SNAP47: variants seen among roughly 807,000 people sequenced by gnomAD.
SNAP47 encodes synaptosomal-associated protein 47.
A neutral mutation model predicts 31.4 loss-of-function variants in SNAP47; 20 were observed. The observed-to-expected ratio is 0.64, with a 90% CI of 0.45 to 0.93. The LOEUF is 0.93. Ranked by LOEUF, SNAP47 falls within the 40% of genes least tolerant of loss-of-function variation. The pLI, the probability that SNAP47 is intolerant of heterozygous loss-of-function variation, is 0.00. For missense variants in SNAP47, 492 were observed against 528.5 expected, an observed-to-expected ratio of 0.93 and a Z score of 0.68; for synonymous variants, 194 against 213.4, an observed-to-expected ratio of 0.91 and a Z score of 0.79.
At chr1:227,732,848 C>A (rs1008268246), upstream of SNAP47, 41 of 1,610,696 alleles carry the variant, frequency 2.5e-5, no homozygotes, top group Admixed American at 1.3e-4. Flanking sequence ...AAGCCTCCCC[C>A]AGGAGGGTAG....
At chr1:227,732,482 G>C (rs1386406295), upstream of SNAP47, 2 of 1,613,342 alleles carry the variant, frequency 1.2e-6, no homozygotes, top group Admixed American at 1.7e-5. Context: ...CCACTCTCTG[G>C]AAGTCGGGGT....
intron 4 of SNAP47, chr1:227,776,929 T>G: frequency 3.0e-6 from 3 of 985,424 alleles, no homozygotes; most frequent in Non-Finnish European, 3.6e-6. Context: ...CCAGCCTTTA[T>G]TTTGTCTGTG....
In SNAP47 at chr1:227,759,450, C is replaced by T. The variant is rs773035560; in HGVS notation, c.953C>T (p.Ser318Phe). Reference sequence around the variant, plus strand: ...GTGCTCAGAAGCGCAAGAACCTCTTCCCCCGCAGAGAAGAGCTGCTCAGTC... The same window carrying T: ...GTGCTCAGAAGCGCAAGAACCTCTTTCCCCGCAGAGAAGAGCTGCTCAGTC... ...ALVLRSARTS[S>F]PAEKSCSVWH... Residue 318 changes from serine (S) to phenylalanine (F), a missense_variant, in exon 3 of 5, where the codon TCC becomes TTC. Transcript: ENST00000617596. 1 of 1,614,162 alleles carries T rather than the reference C, an allele frequency of 6.2e-7. No individual in the cohort carries two copies. The highest frequency in any genetic ancestry group is 1.1e-5 in the South Asian group (1 of 91,090).
At chr1:227,751,755 T>TGTTG (rs1662376613) in intron 2 of SNAP47, among the ~76,000 whole-genome samples, 1 of 58,580 alleles carries the variant, frequency 1.7e-5, no homozygotes, top group Admixed American at 1.9e-4. Flanking sequence ...TTTTTTTTTT[T>TGTTG]TTTTTTTTTT....
intron 3 of SNAP47, among the ~76,000 whole-genome samples, chr1:227,761,192 A>G (rs1663035975): frequency 6.6e-6 from 1 of 152,188 alleles, no homozygotes; most frequent in South Asian, 2.1e-4. Flanking sequence ...CGGTTTCTCT[A>G]ATTTTTCTCT....
In SNAP47 at chr1:227,741,329, G is replaced by A. The variant is rs74140375; in HGVS notation, c.-46+5830G>A. The stretch of plus-strand genomic sequence containing the variant: ...CATGAGGAGGCTATGGCCAAGGAGA[G>A]TGGACGCAGGCACTCATGGAAGTGG... On this transcript the variant is annotated intron_variant, in intron 1 of 4. Transcript: ENST00000617596. The surrounding 1 kb of genome is among the most constrained non-coding windows in gnomAD (Gnocchi z 4.2). Among the ~76,000 whole-genome samples the A allele has an allele frequency of 6.6e-6, 1 of 152,130 alleles. No homozygotes were observed. The highest frequency in any genetic ancestry group is 6.5e-5 in the Admixed American group (1 of 15,282).
chr1:227,761,388 G>A (rs908168615), intron 3 of SNAP47, among the ~76,000 whole-genome samples: 1 of 152,232 alleles, frequency 6.6e-6, no homozygotes. Flanking sequence ...GCACGTAGTT[G>A]AATCACAGAA....
At chr1:227,754,320 G>A (rs764541684) in intron 2 of SNAP47, among the ~76,000 whole-genome samples, 2 of 152,214 alleles carry the variant, frequency 1.3e-5, no homozygotes, top group Non-Finnish European at 2.9e-5. Flanking sequence ...GGCCACCTGT[G>A]TGTCTGCCTG....
At chr1:227,735,354 G>A (rs544220608), upstream of SNAP47, 64 of 1,594,416 alleles carry the variant, frequency 4.0e-5, no homozygotes, top group Admixed American at 7.2e-4. Context: ...GGAACCAGAA[G>A]ACGCAGGGCG....
At chr1:227,748,679 C>T (rs975572133) in intron 2 of SNAP47, among the ~76,000 whole-genome samples, 3 of 152,186 alleles carry the variant, frequency 2.0e-5, no homozygotes, top group African/African-American at 7.2e-5. Flanking sequence ...AGTGAGGTGT[C>T]TCCTGTCAGC....
intron 3 of SNAP47, among the ~76,000 whole-genome samples, chr1:227,761,392 C>G (rs1485763451): frequency 6.6e-6 from 1 of 152,218 alleles, no homozygotes; most frequent in African/African-American, 2.4e-5. Flanking sequence ...GTAGTTGAAT[C>G]ACAGAAAACC....
At chr1:227,728,259 G>A (rs1660437715), upstream of SNAP47, among the ~76,000 whole-genome samples, 1 of 152,166 alleles carries the variant, frequency 6.6e-6, no homozygotes, top group Admixed American at 6.5e-5. Flanking sequence ...CTGGACCCTG[G>A]GCGTCCCGCT....
At chr1:227,775,918 C>G (rs535229261) in intron 4 of SNAP47, 1 of 1,302,164 alleles carries the variant, frequency 7.7e-7, no homozygotes, top group Non-Finnish European at 1.0e-6. Context: ...CCAGAACAGC[C>G]TTTGCTCAGG....
rs143441035 is a variant in SNAP47, at chr1:227,740,202, A to G, written c.-46+4703A>G. ...AGAGACCTGCGGAGTGGAGCCACCA[A>G]TGAGACTCCCTGGTGTGGAAAGGCT... On this transcript the variant is annotated intron_variant, in intron 1 of 4. Coordinates refer to ENST00000617596, the MANE Select transcript of SNAP47 (RefSeq NM_053052.4). Among the ~76,000 whole-genome samples the G allele has an allele frequency of 2.6e-4, 39 of 152,302 alleles. No individual in the cohort carries two copies. In the East Asian group the frequency reaches 7.1e-3, roughly 28 times the overall value.
chr1:227,729,586 A>T (rs192101603), intron 1 of SNAP47, among the ~76,000 whole-genome samples: 2 of 152,282 alleles, frequency 1.3e-5, no homozygotes, highest in Admixed American at 6.5e-5. Context: ...TGTGGGCTTC[A>T]GGGTAGCTGG....
At chr1:227,733,496 G>C (rs200601943), upstream of SNAP47, 3 of 1,594,416 alleles carry the variant, frequency 1.9e-6, no homozygotes, top group African/African-American at 4.0e-5. Flanking sequence ...GGGTGGGCCA[G>C]CAAGCTGGTT....
chr1:227,771,681 CTGCTTT>C (rs1663820548), intron 4 of SNAP47, among the ~76,000 whole-genome samples: 1 of 148,626 alleles, frequency 6.7e-6, no homozygotes, highest in South Asian at 2.2e-4. Flanking sequence ...CCCCCACCCT[CTGCTTT>C]TGCGGGTGAG....
chr1:227,738,023 T>C (rs1013510910), intron 1 of SNAP47, among the ~76,000 whole-genome samples: 2 of 152,114 alleles, frequency 1.3e-5, no homozygotes, highest in African/African-American at 4.8e-5. Context: ...TTGGTTTTTT[T>C]GTTTTTTGTT....
Position 227,762,617 on chromosome 1 carries a change from G to T in SNAP47, c.988+3132G>T, listed in dbSNP as rs958914009. 6.6e-6 allele frequency among the ~76,000 whole-genome samples: 1 copy of T among 152,130 alleles called. No individual in the cohort carries two copies. Among genetic ancestry groups the T allele is most frequent in the Non-Finnish European group, 1.5e-5 (1 of 68,004 alleles). On this transcript the variant is annotated intron_variant, in intron 3 of 4. Transcript: ENST00000617596. The surrounding 1 kb of genome is among the most constrained non-coding windows in gnomAD (Gnocchi z 4.2). The stretch of plus-strand genomic sequence containing the variant: ...TGTGGCCACAGGGTGGCAGCCTCGC[G>T]ACACCGGATGGGCGCTTGTCAGGGA...
Sources: gnomAD v4.1 joint callset for allele counts (sites outside exome capture counted in the v4.1 genomes callset) on GRCh38, gnomAD v4.1.1 for gene constraint, Gnocchi (gnomAD v3.1) non-coding constraint, MANE v1.5 for transcripts, NCBI Gene and HGNC (gene_info 2026-07-23, HGNC 2026-07-21) for gene names.